NCKAP5: variants seen among roughly 807,000 people sequenced by gnomAD.
The protein encoded by NCKAP5 is NCK associated protein 5.
A neutral mutation model predicts 167.0 loss-of-function variants in NCKAP5; 92 were observed. That is an observed-to-expected ratio of 0.55 (90% CI 0.47 to 0.66). NCKAP5 has a LOEUF of 0.66. Among genes scored for constraint, NCKAP5 ranks in the 30% least tolerant of loss-of-function variants. NCKAP5 has a pLI of 0.00. For synonymous variants in NCKAP5, 891 were observed against 877.4 expected, an observed-to-expected ratio of 1.02 and a Z score of -0.27; for missense variants, 2,378 against 2,315.0, an observed-to-expected ratio of 1.03 and a Z score of -0.56.
At chr2:132,907,317 C>T (rs140241230) in intron 8 of NCKAP5, among the ~76,000 whole-genome samples, 6 of 152,272 alleles carry the variant, frequency 3.9e-5, no homozygotes, top group African/African-American at 1.2e-4. Flanking sequence ...AGGTAAAATA[C>T]CTTGAGGACA....
intron 6 of NCKAP5, among the ~76,000 whole-genome samples, chr2:133,026,569 T>A (rs2078705940): frequency 6.6e-6 from 1 of 152,116 alleles, no homozygotes. Context: ...CCATAAAGAC[T>A]TATTGGGAGG....
chr2:133,120,378 G>A (rs1033271500), intron 6 of NCKAP5, among the ~76,000 whole-genome samples: 20 of 152,160 alleles, frequency 1.3e-4, no homozygotes, highest in Non-Finnish European at 2.2e-4. Flanking sequence ...CCAAAGAATG[G>A]TTCCAACTGT....
At chr2:132,710,191 C>T (rs1192264582) in intron 19 of NCKAP5, among the ~76,000 whole-genome samples, 2 of 152,044 alleles carry the variant, frequency 1.3e-5, no homozygotes, top group African/African-American at 4.8e-5. Context: ...CTAAAAAAAC[C>T]CTTCTTAGTT....
chr2:133,491,044 A>C (rs1681394094), intron 3 of NCKAP5, among the ~76,000 whole-genome samples: 1 of 152,210 alleles, frequency 6.6e-6, no homozygotes, highest in Non-Finnish European at 1.5e-5. Context: ...ATTTGGATGT[A>C]AGAGACAGAG....
chr2:133,511,427 T>G (rs1432285), intron 3 of NCKAP5, among the ~76,000 whole-genome samples: 89,097 of 151,978 alleles, frequency 0.59, 27,698 homozygotes, highest in East Asian at 0.92. Flanking sequence ...TGCATTTCTG[T>G]ACCTGCAGTG....
chr2:132,673,677 A>G (rs1037499942), intron 19 of NCKAP5, among the ~76,000 whole-genome samples: 7 of 152,210 alleles, frequency 4.6e-5, no homozygotes, highest in African/African-American at 1.7e-4. Context: ...GTAGGTATTG[A>G]ATTTCAGCCA....
At chr2:132,764,302 A>G (rs68149408) in intron 16 of NCKAP5, among the ~76,000 whole-genome samples, 18,837 of 152,204 alleles carry the variant, frequency 0.12, 1,259 homozygotes, top group African/African-American at 0.16. Flanking sequence ...AAATATGAAT[A>G]TTATTATTTT....
At chr2:133,209,587 C>T (rs1037787554) in intron 5 of NCKAP5, among the ~76,000 whole-genome samples, 2 of 151,580 alleles carry the variant, frequency 1.3e-5, no homozygotes, top group African/African-American at 2.4e-5. Context: ...TCTACATATG[C>T]GCTCACTTAG....
At chr2:133,626,622 T>C in the NCKAP5 span, among the ~76,000 whole-genome samples, 1 of 152,052 alleles carries the variant, frequency 6.6e-6, no homozygotes, top group Non-Finnish European at 1.5e-5. Flanking sequence ...TATTAATTTT[T>C]AGGGTATGAT....
chr2:132,942,967 G>T (rs1697413686), intron 8 of NCKAP5, among the ~76,000 whole-genome samples: 1 of 152,232 alleles, frequency 6.6e-6, no homozygotes, highest in Admixed American at 6.5e-5. Context: ...TCATTAAAAT[G>T]ATAGAATAAT....
intron 8 of NCKAP5, among the ~76,000 whole-genome samples, chr2:132,905,112 T>C (rs1693908216): frequency 6.6e-6 from 1 of 152,218 alleles, no homozygotes; most frequent in Non-Finnish European, 1.5e-5. Context: ...TTTTTTTTGG[T>C]ACATTTATCT....
intron 7 of NCKAP5, among the ~76,000 whole-genome samples, chr2:132,964,606 TA>T (rs564875947): frequency 3.6e-4 from 54 of 147,972 alleles, no homozygotes; most frequent in African/African-American, 8.9e-4. Context: ...ATTACCATAT[TA>T]AAAAAAAAAG....
intron 3 of NCKAP5, among the ~76,000 whole-genome samples, chr2:133,470,838 C>T (rs1474850815): frequency 1.3e-5 from 2 of 152,366 alleles, no homozygotes; most frequent in Middle Eastern, 6.8e-3. Flanking sequence ...CTTGCGCTTC[C>T]CAAGTGAGGC....
the NCKAP5 span, among the ~76,000 whole-genome samples, chr2:133,607,464 C>G: frequency 6.6e-6 from 1 of 152,258 alleles, no homozygotes; most frequent in African/African-American, 2.4e-5. Context: ...GAAATTGACT[C>G]TCACTCAAGA....
intron 3 of NCKAP5, among the ~76,000 whole-genome samples, chr2:133,469,526 T>C (rs1384839289): frequency 6.6e-6 from 1 of 151,968 alleles, no homozygotes; most frequent in Non-Finnish European, 1.5e-5. Flanking sequence ...TTTGTGGCAC[T>C]CTCTGTATTT....
intron 5 of NCKAP5, among the ~76,000 whole-genome samples, chr2:133,142,598 T>G (rs993655135): frequency 1.3e-4 from 20 of 152,158 alleles, no homozygotes; most frequent in Non-Finnish European, 2.8e-4. Flanking sequence ...CAGACTTGAC[T>G]GAACACAGCA....
chr2:132,720,448 T>C (rs1383049233), intron 19 of NCKAP5, among the ~76,000 whole-genome samples: 1 of 152,202 alleles, frequency 6.6e-6, no homozygotes, highest in Non-Finnish European at 1.5e-5. Flanking sequence ...TTTTAGAAAG[T>C]AGACTTCTTT....
At chr2:133,566,358 T>C (rs1688556616) in intron 1 of NCKAP5, among the ~76,000 whole-genome samples, 1 of 152,230 alleles carries the variant, frequency 6.6e-6, no homozygotes, top group African/African-American at 2.4e-5. Context: ...TCCCAGCCTG[T>C]ACCCAGTGCA....
the NCKAP5 span, among the ~76,000 whole-genome samples, chr2:133,662,573 TA>T: frequency 6.8e-6 from 1 of 147,452 alleles, no homozygotes; most frequent in Non-Finnish European, 1.5e-5. Context: ...AGAGAGAGTA[TA>T]AAGAATTTGA....
Sources: allele counts gnomAD v4.1 joint callset (sites outside exome capture counted in the v4.1 genomes callset), GRCh38; gene constraint gnomAD v4.1.1; transcripts MANE v1.5; gene names NCBI Gene and HGNC (gene_info 2026-07-23, HGNC 2026-07-21).